CD164: variants seen among roughly 807,000 people sequenced by gnomAD.
The protein encoded by CD164 is CD164 molecule.
CD164 carries 11 observed loss-of-function variants against 24.6 expected under a neutral mutation model. The observed-to-expected ratio is 0.45, with a 90% CI of 0.28 to 0.74. CD164 has a LOEUF of 0.74. CD164 is among the 30% of genes least tolerant of loss of function. CD164 has a pLI of 0.13. For synonymous variants in CD164, 126 were observed against 100.3 expected (o/e 1.26, Z -1.53); for missense variants, 295 against 243.7 (o/e 1.21, Z -1.40).
intron 4 of CD164, chr6:109,371,818 G>GT (rs1014694056): frequency 2.0e-5 from 3 of 153,068 alleles, no homozygotes; most frequent in African/African-American, 7.2e-5. Flanking sequence ...AAATCATTAG[G>GT]TAAGTCAGGC....
chr6:109,378,042 T>A, intron 2 of CD164, 71 bp from the exon 3 acceptor site: 1 of 1,287,796 alleles, frequency 7.8e-7, no homozygotes, highest in Non-Finnish European at 1.1e-6. Context: ...ACTCTGCTAC[T>A]AAGCTCTATG....
In CD164 at chr6:109,379,637, G is replaced by C; in HGVS notation, c.201C>G (p.Cys67Trp). The C allele has an allele frequency of 1.2e-6, 2 of 1,613,236 alleles. No individual in the cohort carries two copies. Among genetic ancestry groups the C allele is most frequent in the Non-Finnish European group, 1.7e-6 (2 of 1,179,710 alleles). ...CAACGCTAACATTAAAACAGGAAAC[G>C]CAGCTGTTTCGACCTTCACAGGTTT... ...APETCEGRNS[C>W]VSCFNVSVVN... The change falls in exon 2 of 6, where the codon TGC becomes TGG. Residue 67 changes from cysteine (C) to tryptophan (W), a missense_variant. Coordinates refer to ENST00000310786, the MANE Select transcript of CD164 (RefSeq NM_006016.6).
In CD164 at chr6:109,368,802, G is replaced by A. The variant is rs1435079412; in HGVS notation, c.*49C>T. On this transcript the variant is annotated 3_prime_UTR_variant, in exon 6 of 6. Coordinates refer to ENST00000310786, the MANE Select transcript of CD164 (RefSeq NM_006016.6). ...CTTAAAAGATAGTATTTTGGCTTCAGTGAGTTACACAAATGAATCACCAGT... is the reference window on the plus strand; with the variant it reads ...CTTAAAAGATAGTATTTTGGCTTCAATGAGTTACACAAATGAATCACCAGT... The A allele has an allele frequency of 6.4e-7, 1 of 1,562,888 alleles. No individual in the cohort carries two copies. The highest frequency in any genetic ancestry group is 8.6e-7 in the Non-Finnish European group (1 of 1,160,380).
chr6:109,377,578 T>G (rs1421678423), intron 3 of CD164, among the ~76,000 whole-genome samples: 2 of 151,206 alleles, frequency 1.3e-5, no homozygotes, highest in Admixed American at 1.3e-4. Context: ...AGTGCCAGAA[T>G]GAGGTTTCCC....
In CD164 at chr6:109,370,563, T is replaced by C. The variant is rs115099723; in HGVS notation, c.371-96A>G. 3,620 of 1,125,086 alleles carry C rather than the reference T, an allele frequency of 3.2e-3. 89 individuals carry two copies. The African/African-American group carries it at 0.052, about 16-fold the overall frequency. 69.7% of individuals were successfully genotyped at this position (1,125,086 alleles called of 1,614,324 possible). A position where few individuals can be genotyped will look rare whatever the true frequency, so the allele number is the denominator to read the frequency against. The stretch of plus-strand genomic sequence containing the variant: ...AAAAATAATCCTGCCAACTTCAACA[T>C]GCTTTCAATTTTTTAGAGACCAAAA... On this transcript the variant is annotated intron_variant, in intron 4 of 5. Transcript: ENST00000310786.
At position 109,368,175 on chromosome 6, in the gene CD164, T is replaced by G. The variant is rs1562234162; in HGVS notation, c.*676A>C. ...CAAATCATAGACATTAAGCTAGAGC[T>G]TACCTTTCACTGTCTTCTAAGGCAC... On this transcript the variant is annotated 3_prime_UTR_variant, in exon 6 of 6. Transcript: ENST00000310786. 1.8e-6 allele frequency: 2 copies of G among 1,082,716 alleles called. No individual in the cohort carries two copies. Among genetic ancestry groups the G allele is most frequent in the African/African-American group, 3.4e-5 (2 of 59,442 alleles). 67.1% of individuals were successfully genotyped at this position (1,082,716 alleles called of 1,614,324 possible). A position where few individuals can be genotyped will look rare whatever the true frequency, so the allele number is the denominator to read the frequency against.
chr6:109,380,900 G>C (rs1771699291), intron 1 of CD164, among the ~76,000 whole-genome samples: 2 of 152,258 alleles, frequency 1.3e-5, no homozygotes, highest in Admixed American at 6.5e-5. Flanking sequence ...AGAATTCCCA[G>C]TATTATACTG....
chr6:109,372,081 C>T (rs7752137), intron 4 of CD164: 1 of 152,028 alleles, frequency 6.6e-6, no homozygotes, highest in African/African-American at 2.4e-5. Flanking sequence ...GCTTAACCCA[C>T]GAAAGACAGG....
intron 5 of CD164, 87 bp downstream of exon 5, chr6:109,370,324 G>A (rs1771006734): frequency 1.8e-6 from 2 of 1,097,310 alleles, no homozygotes; most frequent in Non-Finnish European, 2.8e-6. Flanking sequence ...CATTAACGAA[G>A]AAAGCTGGAA....
chr6:109,382,382 G>A lies in CD164; in HGVS notation c.-4C>T, dbSNP rs1771828817. ...GTGAGCGGGAGAGCCGCGACATCGT[G>A]TCCTCAGCGCTGGCGTTCGGGAGAA... is the stretch of plus-strand genomic sequence containing the variant. On this transcript the variant is annotated 5_prime_UTR_variant, in exon 1 of 6. Coordinates refer to ENST00000310786, the MANE Select transcript of CD164 (RefSeq NM_006016.6). 5 of 1,531,790 alleles carry A rather than the reference G, an allele frequency of 3.3e-6. No individual in the cohort carries two copies. The highest frequency in any genetic ancestry group is 4.4e-6 in the Non-Finnish European group (5 of 1,143,966). 94.9% of individuals were successfully genotyped at this position (1,531,790 alleles called of 1,614,324 possible). A position where few individuals can be genotyped will look rare whatever the true frequency, so the allele number is the denominator to read the frequency against.
intron 1 of CD164, chr6:109,381,991 C>A: frequency 2.6e-6 from 1 of 389,374 alleles, no homozygotes; most frequent in Non-Finnish European, 4.4e-6. Flanking sequence ...CCACTGGGAA[C>A]CGCGCGTCCG....
chr6:109,369,092 C>T, intron 5 of CD164, 75 bp from the exon 6 acceptor site: 1 of 1,303,578 alleles, frequency 7.7e-7, no homozygotes, highest in Non-Finnish European at 1.1e-6. Flanking sequence ...TGCACCTGAG[C>T]CTCTATTTTG....
chr6:109,377,444 A>G (rs1771474954), intron 3 of CD164, among the ~76,000 whole-genome samples: 1 of 152,210 alleles, frequency 6.6e-6, no homozygotes, highest in Admixed American at 6.5e-5. Flanking sequence ...GTTAAAAATT[A>G]ATCAAGTTAC....
intron 1 of CD164, chr6:109,381,644 A>T: frequency 1.4e-6 from 1 of 699,422 alleles, no homozygotes; most frequent in Non-Finnish European, 2.6e-6. Context: ...CCTATCTGCA[A>T]AACCAATGTA....
chr6:109,370,406 A>C lies in CD164; in HGVS notation c.427+5T>G. 2 of 1,609,822 alleles carry C rather than the reference A, an allele frequency of 1.2e-6. No individual in the cohort carries two copies. The highest frequency in any genetic ancestry group is 1.7e-6 in the Non-Finnish European group (2 of 1,176,276). ...ATCATTGCTAATCTAAAAAGCCTCA[A>C]TTACCTGATGTAGTAACTGTCTTGG... On this transcript the variant is annotated splice_donor_5th_base_variant and intron_variant, in intron 5 of 5. Coordinates refer to ENST00000310786, the MANE Select transcript of CD164 (RefSeq NM_006016.6).
In CD164 at chr6:109,382,112, TGGCCCGAACCCGGGCCCCGCCCGCAC is replaced by T. The variant is rs1481806487; in HGVS notation, c.175+66_175+91del. 57 of 1,159,442 alleles carry T rather than the reference TGGCCCGAACCCGGGCCCCGCCCGCAC, an allele frequency of 4.9e-5. No individual in the cohort carries two copies. The African/African-American group carries it at 9.1e-4, about 19-fold the overall frequency. 71.8% of individuals were successfully genotyped at this position (1,159,442 alleles called of 1,614,324 possible). On this transcript the variant is annotated intron_variant, in intron 1 of 5. Coordinates refer to ENST00000310786, the MANE Select transcript of CD164 (RefSeq NM_006016.6). ...CGAGCGCGGCCCGCCCGCCCGACCG[TGGCCCGAACCCGGGCCCCGCCCGCAC>T]GGCGAGGAGGCAGTGCGGCTCGGCT...
chr6:109,368,749 C>T lies in CD164; in HGVS notation c.*102G>A, dbSNP rs544335006. 1.4e-6 allele frequency: 2 copies of T among 1,457,642 alleles called. No individual in the cohort carries two copies. Among genetic ancestry groups the T allele is most frequent in the Admixed American group, 5.8e-5 (2 of 34,716 alleles). The allele number at this position is 1,457,642 out of a possible 1,614,324, so 90.3% of individuals were successfully genotyped here. A position where few individuals can be genotyped will look rare whatever the true frequency, so the allele number is the denominator to read the frequency against. ...ATGCATCCATGGAAATTTAAAGATC[C>T]TGGAATAGCGTCTTCCATGTGGGAC... On this transcript the variant is annotated 3_prime_UTR_variant, in exon 6 of 6. Transcript: ENST00000310786.
At chr6:109,374,669 T>A (rs375043977) in intron 4 of CD164, among the ~76,000 whole-genome samples, 2 of 152,214 alleles carry the variant, frequency 1.3e-5, no homozygotes, top group Non-Finnish European at 2.9e-5. Context: ...ACAAAGGTGT[T>A]TCCCAATTCT....
At chr6:109,377,191 T>G (rs1000503074) in intron 3 of CD164, among the ~76,000 whole-genome samples, 1 of 152,220 alleles carries the variant, frequency 6.6e-6, no homozygotes, top group African/African-American at 2.4e-5. Flanking sequence ...GAAGTAAAAC[T>G]GATCTAATAC....
Sources: gnomAD v4.1 joint callset for allele counts (sites outside exome capture counted in the v4.1 genomes callset) on GRCh38, gnomAD v4.1.1 for gene constraint, MANE v1.5 for transcripts, NCBI Gene and HGNC (gene_info 2026-07-23, HGNC 2026-07-21) for gene names.